The following ZNF229 variants were observed in gnomAD, a reference collection of about 807,000 sequenced individuals.
The protein encoded by ZNF229 is zinc finger protein 229.
ZNF229 carries 10 observed loss-of-function variants against 11.8 expected under a neutral mutation model. The observed-to-expected ratio is 0.85, with a 90% confidence interval of 0.52 to 1.44. The LOEUF is 1.44. Among genes scored for constraint, ZNF229 ranks in the 40% most tolerant of loss-of-function variants. ZNF229 has a pLI of 0.00. For synonymous variants in ZNF229, 368 were observed against 374.8 expected, an observed-to-expected ratio of 0.98 and a Z score of 0.21; for missense variants, 1,045 against 1,015.1, an observed-to-expected ratio of 1.03 and a Z score of -0.40.
rs546236035 is a variant in ZNF229, at chr19:44,442,918, C to T, written c.-71G>A. On this transcript the variant is annotated 5_prime_UTR_variant, in exon 3 of 6. Coordinates refer to ENST00000614049, the MANE Select transcript of ZNF229 (RefSeq NM_014518.4). Reference sequence around the variant, plus strand: ...TTCTCTGGTTTTCCTAAGCTGGAGACGCAGAAGATCCAGGCCTTTTTCATT... The same window carrying T: ...TTCTCTGGTTTTCCTAAGCTGGAGATGCAGAAGATCCAGGCCTTTTTCATT... 29 of 1,563,528 alleles carry T rather than the reference C, an allele frequency of 1.9e-5. No homozygotes were observed. In the East Asian group the frequency reaches 4.0e-4, roughly 22 times the overall value.
chr19:44,432,314 T>C lies in ZNF229; in HGVS notation c.146A>G (p.Glu49Gly). ...CTGCCTCTGGGTAGAGTCCAGCAGCTCTAGCTCCTCCTCAGTGAAGACCAC... is the reference window on the plus strand; with the variant it reads ...CTGCCTCTGGGTAGAGTCCAGCAGCCCTAGCTCCTCCTCAGTGAAGACCAC... ...VAVVFTEEEL[E>G]LLDSTQRQLY... The change falls in exon 5 of 6, where the codon GAG becomes GGG. Residue 49 changes from glutamate (E) to glycine (G), a missense_variant. Coordinates refer to ENST00000614049, the MANE Select transcript of ZNF229 (RefSeq NM_014518.4). 10 of 1,613,798 alleles carry C rather than the reference T, an allele frequency of 6.2e-6. No homozygotes were observed. The highest frequency in any genetic ancestry group is 7.6e-6 in the Non-Finnish European group (9 of 1,179,954).
intron 4 of ZNF229, among the ~76,000 whole-genome samples, chr19:44,438,800 C>T (rs1021158630): frequency 2.6e-5 from 4 of 152,172 alleles, no homozygotes; most frequent in African/African-American, 9.7e-5. Flanking sequence ...GTGACATGCC[C>T]AGAGAGGGCA....
intron 5 of ZNF229, 39 bp downstream of exon 5, chr19:44,432,183 C>T: frequency 1.3e-6 from 2 of 1,572,814 alleles, no homozygotes; most frequent in Non-Finnish European, 1.7e-6. Context: ...ATCTTCTCTC[C>T]AGGAACAAGA....
intron 2 of ZNF229, among the ~76,000 whole-genome samples, chr19:44,445,978 C>A (rs545691801): frequency 1.9e-4 from 29 of 152,124 alleles, no homozygotes; most frequent in Non-Finnish European, 4.0e-4. Context: ...GTGAACAGGG[C>A]AGACAACGAC....
rs1044534669 is a variant in ZNF229, at chr19:44,428,292, T to C, written c.*11A>G. On this transcript the variant is annotated 3_prime_UTR_variant, in exon 6 of 6. Transcript: ENST00000614049. ...AAGCTCTGAGTCCCAGATGGAATCC[T>C]CTATGTACATCTACTTATAAGGGTT... 2 of 1,592,320 alleles carry C rather than the reference T, an allele frequency of 1.3e-6. No homozygotes were observed. The highest frequency in any genetic ancestry group is 1.7e-6 in the Non-Finnish European group (2 of 1,166,840).
chr19:44,437,941 G>T (rs1600024431), intron 4 of ZNF229, among the ~76,000 whole-genome samples: 1 of 152,128 alleles, frequency 6.6e-6, no homozygotes, highest in African/African-American at 2.4e-5. Flanking sequence ...CACACAGAGG[G>T]AACAACAGAC....
In ZNF229 at chr19:44,432,287, A is replaced by G; in HGVS notation, c.173T>C (p.Leu58Pro). 1.2e-6 allele frequency: 2 copies of G among 1,614,000 alleles called. No homozygotes were observed. The highest frequency in any genetic ancestry group is 1.7e-6 in the Non-Finnish European group (2 of 1,179,982). ...ATTCTCCTGCATCACATCTTGGTACAGCTGCCTCTGGGTAGAGTCCAGCAG... is the reference window on the plus strand; with the variant it reads ...ATTCTCCTGCATCACATCTTGGTACGGCTGCCTCTGGGTAGAGTCCAGCAG... ...LELLDSTQRQ[L>P]YQDVMQENFR... The change falls in exon 5 of 6, where the codon CTG (leucine) becomes CCG (proline). Residue 58 changes from leucine (L) to proline (P), a missense_variant. Physicochemically the swap from Leu to Pro is moderately conservative, Grantham distance 98. Coordinates refer to ENST00000614049, the MANE Select transcript of ZNF229 (RefSeq NM_014518.4).
chr19:44,441,950 T>C (rs1971918189), intron 4 of ZNF229, among the ~76,000 whole-genome samples: 1 of 152,218 alleles, frequency 6.6e-6, no homozygotes, highest in African/African-American at 2.4e-5. Flanking sequence ...AAATCTTATT[T>C]CAATGTGTAT....
intron 4 of ZNF229, among the ~76,000 whole-genome samples, chr19:44,438,497 TAG>T (rs1971852148): frequency 1.3e-5 from 2 of 152,196 alleles, no homozygotes; most frequent in South Asian, 4.1e-4. Context: ...CGCTGTGAAA[TAG>T]ATATTTGGTC....
chr19:44,429,890 C>T lies in ZNF229; in HGVS notation c.891G>A (p.Glu297=). The T allele has an allele frequency of 6.2e-7, 1 of 1,614,060 alleles. No individual in the cohort carries two copies. The highest frequency in any genetic ancestry group is 1.3e-5 in the African/African-American group (1 of 74,972). The part of the protein sequence containing the change: ...PLKEKLCQYD[E]FSEGLRHSAH... The stretch of plus-strand genomic sequence containing the variant: ...CACTGTGCCTCAAGCCCTCACTAAA[C>T]TCATCATATTGACAGAGTTTCTCTT... The change falls in exon 6 of 6, where the codon GAG becomes GAA. Residue 297 remains glutamate, a synonymous_variant. Transcript: ENST00000614049.
chr19:44,443,978 T>C (rs1971961339), intron 2 of ZNF229, among the ~76,000 whole-genome samples: 1 of 151,880 alleles, frequency 6.6e-6, no homozygotes, highest in Admixed American at 6.6e-5. Context: ...CAGCAACACA[T>C]GGTATAAATT....
intron 5 of ZNF229, 84 bp from the exon 6 acceptor site, chr19:44,430,626 T>C (rs980663926): frequency 1.5e-6 from 2 of 1,298,210 alleles, no homozygotes; most frequent in South Asian, 3.1e-5. Flanking sequence ...GAACTAATAA[T>C]AGCCTAGAGA....
At position 44,428,585 on chromosome 19, in the gene ZNF229, T is replaced by G. The variant is rs757286903; in HGVS notation, c.2196A>C (p.Arg732Ser). 6.2e-7 allele frequency: 1 copy of G among 1,612,692 alleles called. No individual in the cohort carries two copies. The highest frequency in any genetic ancestry group is 8.5e-7 in the Non-Finnish European group (1 of 1,179,666). Residue 732 changes from arginine to serine, a missense_variant, in exon 6 of 6, where the codon AGA becomes AGC. Transcript: ENST00000614049. ...RYGSGLLSHK[R>S]VHTGEKPYRC... ...TGTATGGCTTCTCGCCAGTGTGCAC[T>G]CTCTTATGACTAAGGAGACCTGAGC... is the stretch of plus-strand genomic sequence containing the variant.
At position 44,442,952 on chromosome 19, in the gene ZNF229, T is replaced by G. The variant is rs1971942227; in HGVS notation, c.-105A>C. On this transcript the variant is annotated 5_prime_UTR_variant, in exon 3 of 6. Transcript: ENST00000614049. ...TCCAGGCCTTTTTCATTCCGGAAAC[T>G]CTCCAAGCTCTGACAAGTTCCTGTC... 1 of 1,351,190 alleles carries G rather than the reference T, an allele frequency of 7.4e-7. No individual in the cohort carries two copies. The highest frequency in any genetic ancestry group is 1.1e-6 in the Non-Finnish European group (1 of 949,058). 83.7% of individuals were successfully genotyped at this position (1,351,190 alleles called of 1,614,324 possible). A position where few individuals can be genotyped will look rare whatever the true frequency, so the allele number is the denominator to read the frequency against.
At chr19:44,442,002 G>C (rs1423744258) in intron 4 of ZNF229, among the ~76,000 whole-genome samples, 1 of 152,182 alleles carries the variant, frequency 6.6e-6, no homozygotes, top group African/African-American at 2.4e-5. Context: ...CATATGATTA[G>C]TGGGCATTAG....
In ZNF229 at chr19:44,428,640, CAA is replaced by C. The variant is rs1284920133; in HGVS notation, c.2139_2140del (p.Cys714LeufsTer2). The stretch of plus-strand genomic sequence containing the variant: ...TCTGAAACCCTTCCCACATTCACAA[CAA>C]GTGTAGGGTTTCTCTCCTGTGTGCA... On this transcript the variant is annotated frameshift_variant, in exon 6 of 6. Transcript: ENST00000614049. LOFTEE classifies it low-confidence loss of function (END_TRUNC). 1 of 1,614,054 alleles carries C rather than the reference CAA, an allele frequency of 6.2e-7. No homozygotes were observed. Among genetic ancestry groups the C allele is most frequent in the East Asian group, 2.2e-5 (1 of 44,850 alleles).
rs552625659 is a variant in ZNF229 at position 44,439,483 on chromosome 19, G to A, written c.93+3080C>T. Reference sequence around the variant, plus strand: ...TTTTGAGATGGAGTCTCACTCTGTCGCCCAGGCTGGAGTGCAGTGGCATGA... The same window carrying A: ...TTTTGAGATGGAGTCTCACTCTGTCACCCAGGCTGGAGTGCAGTGGCATGA... On this transcript the variant is annotated intron_variant, in intron 4 of 5. Transcript: ENST00000614049. Among the ~76,000 whole-genome samples the A allele has an allele frequency of 3.3e-5, 5 of 151,998 alleles. No homozygotes were observed. In the South Asian group the frequency reaches 1.0e-3, roughly 32 times the overall value.
chr19:44,444,342 G>C (rs1414136000), intron 2 of ZNF229, among the ~76,000 whole-genome samples: 2 of 151,342 alleles, frequency 1.3e-5, no homozygotes, highest in Non-Finnish European at 2.9e-5. Flanking sequence ...ACTGCTTCAG[G>C]AACTCAAATC....
At position 44,427,674 on chromosome 19, in the gene ZNF229, T is replaced by C. The variant is rs1971602764; in HGVS notation, c.*629A>G. ...TGAACCTGGAAAGAAGACATATTTCTGTAGTGTACTACAACTCCTCTGAAA... is the reference window on the plus strand; with the variant it reads ...TGAACCTGGAAAGAAGACATATTTCCGTAGTGTACTACAACTCCTCTGAAA... On this transcript the variant is annotated 3_prime_UTR_variant, in exon 6 of 6. Transcript: ENST00000614049. The C allele has an allele frequency of 6.6e-6, 1 of 152,162 alleles. No individual in the cohort carries two copies. Among genetic ancestry groups the C allele is most frequent in the Non-Finnish European group, 1.5e-5 (1 of 68,058 alleles). 9.4% of individuals were successfully genotyped at this position (152,162 alleles called of 1,614,324 possible). A position where few individuals can be genotyped will look rare whatever the true frequency, so the allele number is the denominator to read the frequency against.
Sources: gnomAD v4.1 joint callset for allele counts (sites outside exome capture counted in the v4.1 genomes callset) on GRCh38, gnomAD v4.1.1 for gene constraint, MANE v1.5 for transcripts, NCBI Gene and HGNC (gene_info 2026-07-23, HGNC 2026-07-21) for gene names.